Variants in DLGAP1 observed in about 807,000 individuals in gnomAD.
DLGAP1 encodes the protein DLG associated protein 1.
DLGAP1 carries 11 observed loss-of-function variants against 90.8 expected under a neutral mutation model. The observed-to-expected ratio is 0.12, with a 90% confidence interval of 0.08 to 0.20. The LOEUF is 0.20. Among genes scored for constraint, DLGAP1 ranks in the 10% least tolerant of loss-of-function variants. DLGAP1 has a pLI of 1.00. For synonymous variants in DLGAP1, 558 were observed against 540.7 expected, an observed-to-expected ratio of 1.03 and a Z score of -0.44; for missense variants, 1,050 against 1,333.8, an observed-to-expected ratio of 0.79 and a Z score of 3.31.
At chr18:3,819,297 C>T (rs985797524) in intron 4 of DLGAP1, among the ~76,000 whole-genome samples, 2 of 152,040 alleles carry the variant, frequency 1.3e-5, no homozygotes, top group African/African-American at 4.8e-5. Context: ...ATCTAAGATA[C>T]TAATGCAATT....
At chr18:4,120,190 TATA>T (rs1030527030) in intron 2 of DLGAP1, among the ~76,000 whole-genome samples, 1 of 152,200 alleles carries the variant, frequency 6.6e-6, no homozygotes, top group African/African-American at 2.4e-5. Flanking sequence ...GAAAAACACT[TATA>T]AAGCTCCTAG....
intron 7 of DLGAP1, among the ~76,000 whole-genome samples, chr18:3,702,934 G>A (rs1489686693): frequency 6.6e-6 from 1 of 152,154 alleles, no homozygotes; most frequent in African/African-American, 2.4e-5. Context: ...AGTATAAGAT[G>A]GAGACTTTGT....
intron 1 of DLGAP1, among the ~76,000 whole-genome samples, chr18:4,213,951 T>C (rs1343194874): frequency 6.6e-6 from 1 of 152,100 alleles, no homozygotes; most frequent in East Asian, 1.9e-4. Flanking sequence ...GAAGTCTTCT[T>C]GATTTGGCAC....
intron 1 of DLGAP1, among the ~76,000 whole-genome samples, chr18:4,359,583 T>C (rs897644060): frequency 2.0e-5 from 3 of 152,236 alleles, no homozygotes; most frequent in Non-Finnish European, 4.4e-5. Context: ...TAAATATGTA[T>C]GCTTTTCTCT....
intron 1 of DLGAP1, among the ~76,000 whole-genome samples, chr18:4,435,000 A>C (rs748301997): frequency 1.2e-4 from 19 of 152,242 alleles, no homozygotes; most frequent in Non-Finnish European, 2.2e-4. Context: ...TAAATGGCAC[A>C]CTACAAACTT....
intron 3 of DLGAP1, among the ~76,000 whole-genome samples, chr18:3,959,300 A>G (rs188015017): frequency 1.3e-5 from 2 of 152,186 alleles, no homozygotes; most frequent in Admixed American, 1.3e-4. Flanking sequence ...TGAAACGTCT[A>G]CACTCTCTTT....
At chr18:3,610,513 A>C (rs1380687869) in intron 7 of DLGAP1, among the ~76,000 whole-genome samples, 1 of 151,456 alleles carries the variant, frequency 6.6e-6, no homozygotes, top group East Asian at 1.9e-4. Context: ...CTGAGTCCCT[A>C]CTCCTCAGTA....
At chr18:3,923,983 A>G (rs1386368891) in intron 3 of DLGAP1, among the ~76,000 whole-genome samples, 3 of 152,220 alleles carry the variant, frequency 2.0e-5, no homozygotes, top group Non-Finnish European at 4.4e-5. Flanking sequence ...GCTCAAATGC[A>G]CTGGAGAAAA....
At chr18:4,386,407 T>C (rs1354034475) in intron 1 of DLGAP1, among the ~76,000 whole-genome samples, 1 of 152,216 alleles carries the variant, frequency 6.6e-6, no homozygotes, top group Non-Finnish European at 1.5e-5. Context: ...TTCCATTAAC[T>C]GACATTAGGG....
At chr18:3,748,161 G>C (rs1205405743) in intron 5 of DLGAP1, among the ~76,000 whole-genome samples, 2 of 152,210 alleles carry the variant, frequency 1.3e-5, no homozygotes, top group African/African-American at 4.8e-5. Context: ...CAGAACTAAA[G>C]GGAGATTTTG....
Position 3,853,324 on chromosome 18 carries a change from G to A in DLGAP1, c.957+25788C>T, listed in dbSNP as rs112129516. ...AAGGTTTTGAATTTCAGATTTTTTC[G>A]GATTTTAGAACACGGTCATGGGCCA... On this transcript the variant is annotated intron_variant, in intron 4 of 12. Coordinates refer to ENST00000315677, the MANE Select transcript of DLGAP1 (RefSeq NM_004746.4). Among the ~76,000 whole-genome samples, 365 of 152,010 alleles carry A rather than the reference G, an allele frequency of 2.4e-3. 4 individuals carry two copies. The highest frequency in any genetic ancestry group is 7.9e-3 in the African/African-American group (326 of 41,466).
chr18:3,878,145 A>G (rs1349242512), intron 4 of DLGAP1: 1 of 148,520 alleles, frequency 6.7e-6, no homozygotes, highest in African/African-American at 2.5e-5. Context: ...GGTATGTTAT[A>G]CTTTTATAGC....
intron 1 of DLGAP1, among the ~76,000 whole-genome samples, chr18:4,434,906 C>T (rs1039385237): frequency 6.6e-6 from 1 of 152,062 alleles, no homozygotes; most frequent in African/African-American, 2.4e-5. Flanking sequence ...TAGGAAATGA[C>T]AAACAAGCAT....
rs2076048786 is a variant in DLGAP1, at chr18:4,115,503, T to TTTG, written c.-159+35676_-159+35677insCAA. ...CTTTCTTTCTTTCTTTCTTTTTTTT[T>TTTG]GAGACGGAGTCTTGCTCTGTTGCCC... On this transcript the variant is annotated intron_variant, in intron 2 of 12. Transcript: ENST00000315677. Among the ~76,000 whole-genome samples, 58 of 152,116 alleles carry TTTG rather than the reference T, an allele frequency of 3.8e-4. 1 individual carries two copies. The South Asian group carries it at 6.4e-3, about 17-fold the overall frequency.
intron 6 of DLGAP1, among the ~76,000 whole-genome samples, chr18:3,734,709 T>C (rs901189150): frequency 3.4e-4 from 51 of 152,216 alleles, no homozygotes; most frequent in Non-Finnish European, 7.3e-4. Context: ...TACTGGCTTT[T>C]GTATTTTTTT....
intron 4 of DLGAP1, among the ~76,000 whole-genome samples, chr18:3,847,809 T>G (rs1009078661): frequency 6.6e-6 from 1 of 151,964 alleles, no homozygotes; most frequent in Non-Finnish European, 1.5e-5. Context: ...CTACACAAAG[T>G]GCCCCAAAAG....
chr18:3,776,000 A>AT lies in DLGAP1; in HGVS notation c.1173-33489dup, dbSNP rs71160920. Among the ~76,000 whole-genome samples, 21,304 of 152,208 alleles carry AT rather than the reference A, an allele frequency of 0.14. 1,590 individuals carry two copies. Among genetic ancestry groups the AT allele is most frequent in the Middle Eastern group, 0.16 (47 of 294 alleles). The stretch of plus-strand genomic sequence containing the variant: ...AGAACGAATGCCCATGTCACTGTAC[A>AT]TTCTGCCAAGACACTCAGCCCTCAA... On this transcript the variant is annotated intron_variant, in intron 5 of 12. Transcript: ENST00000315677. This position sits in a 1 kb window ranked among gnomAD's most constrained non-coding sequence, Gnocchi z 4.9.
chr18:4,222,829 G>A (rs2078106302), intron 1 of DLGAP1, among the ~76,000 whole-genome samples: 2 of 151,830 alleles, frequency 1.3e-5, no homozygotes, highest in Admixed American at 1.3e-4. Context: ...ACTGATACAG[G>A]CACTCACTGA....
At chr18:4,244,423 T>C (rs2078610133) in intron 1 of DLGAP1, among the ~76,000 whole-genome samples, 1 of 152,158 alleles carries the variant, frequency 6.6e-6, no homozygotes. Context: ...AATTCACTCT[T>C]GAAAATTAAA....
Sources: allele counts gnomAD v4.1 joint callset (sites outside exome capture counted in the v4.1 genomes callset), GRCh38; gene constraint gnomAD v4.1.1; non-coding constraint Gnocchi (gnomAD v3.1); transcripts MANE v1.5; gene names NCBI Gene and HGNC (gene_info 2026-07-23, HGNC 2026-07-21).